The following IGSF21 variants were observed in gnomAD, a reference collection of about 807,000 sequenced individuals.
IGSF21 encodes the protein immunoglobulin superfamily member 21.
In IGSF21, 28 loss-of-function variants were observed where a neutral mutation model predicts 46.8. That is an observed-to-expected ratio of 0.60 (90% CI 0.44 to 0.82). IGSF21 has a LOEUF of 0.82. Ranked by LOEUF, IGSF21 falls within the 40% of genes least tolerant of loss-of-function variation. The pLI is 0.00. For missense variants in IGSF21, 624 were observed against 665.5 expected, an observed-to-expected ratio of 0.94 and a Z score of 0.69; for synonymous variants, 284 against 273.6, an observed-to-expected ratio of 1.04 and a Z score of -0.38.
intron 1 of IGSF21, among the ~76,000 whole-genome samples, chr1:18,203,282 C>T (rs890511076): frequency 2.6e-5 from 4 of 152,128 alleles, no homozygotes; most frequent in Non-Finnish European, 5.9e-5. Context: ...CACCTCTGGC[C>T]CTTGATAACT....
chr1:18,257,130 G>GCAA (rs2124532980), intron 2 of IGSF21, among the ~76,000 whole-genome samples: 1 of 152,288 alleles, frequency 6.6e-6, no homozygotes, highest in Non-Finnish European at 1.5e-5. Flanking sequence ...GGGCAGTCAA[G>GCAA]CAAATTATAC....
At chr1:18,226,713 G>A (rs1187917498) in intron 1 of IGSF21, among the ~76,000 whole-genome samples, 1 of 152,196 alleles carries the variant, frequency 6.6e-6, no homozygotes, top group Non-Finnish European at 1.5e-5. Flanking sequence ...TCCAGGCAGG[G>A]GTCAGGCCCA....
At chr1:18,163,561 G>A (rs116000611) in intron 1 of IGSF21, among the ~76,000 whole-genome samples, 1,529 of 152,322 alleles carry the variant, frequency 0.01, 23 homozygotes, top group African/African-American at 0.032. Flanking sequence ...TACATTTCAG[G>A]TACATCGGTC....
rs149583745 is a variant in IGSF21, at chr1:18,317,794, G to A, written c.306-17098G>A. Among the ~76,000 whole-genome samples, 711 of 152,308 alleles carry A rather than the reference G, an allele frequency of 4.7e-3. 1 individual carries two copies. The highest frequency in any genetic ancestry group is 0.016 in the African/African-American group (650 of 41,580). On this transcript the variant is annotated intron_variant, in intron 3 of 9. Coordinates refer to ENST00000251296, the MANE Select transcript of IGSF21 (RefSeq NM_032880.5). The stretch of plus-strand genomic sequence containing the variant: ...AAGCAAACACACATGTGCTAACTAC[G>A]GGGCAGGCACCGTCCTAAGTGCCTT...
At chr1:18,291,325 T>C (rs2085264189) in intron 2 of IGSF21, among the ~76,000 whole-genome samples, 1 of 152,234 alleles carries the variant, frequency 6.6e-6, no homozygotes, top group Non-Finnish European at 1.5e-5. Flanking sequence ...GCTGTCCCCG[T>C]CTGCATCGCC....
rs143480174 is a variant in IGSF21 at position 18,152,256 on chromosome 1, T to C, written c.70+44058T>C. On this transcript the variant is annotated intron_variant, in intron 1 of 9. Transcript: ENST00000251296. ...GCAGATGTCAAATGAGAAAGGGTGA[T>C]GTCCAAGGACTCCAGAAGGTCATGC... Among the ~76,000 whole-genome samples, 53 of 152,330 alleles carry C rather than the reference T, an allele frequency of 3.5e-4. 1 individual carries two copies. In the East Asian group the frequency reaches 9.8e-3, roughly 28 times the overall value.
At chr1:18,376,226 G>A (rs1196084379) in intron 6 of IGSF21, 84 bp from the exon 7 acceptor site, 1 of 931,014 alleles carries the variant, frequency 1.1e-6, no homozygotes, top group Non-Finnish European at 1.8e-6. Flanking sequence ...CAAGGATGTT[G>A]ATTGCTAGAC....
chr1:18,296,937 A>G (rs1013407018), intron 3 of IGSF21, among the ~76,000 whole-genome samples: 7 of 152,208 alleles, frequency 4.6e-5, no homozygotes, highest in Non-Finnish European at 8.8e-5. Context: ...CGAGGGGCTC[A>G]GTGTATTCCT....
At chr1:18,234,752 C>T (rs180990768) in intron 2 of IGSF21, among the ~76,000 whole-genome samples, 9 of 152,272 alleles carry the variant, frequency 5.9e-5, no homozygotes, top group African/African-American at 2.2e-4. Flanking sequence ...CAATCACCTC[C>T]CACCGAGTCC....
At chr1:18,258,301 GTTCTC>G (rs1314204987) in intron 2 of IGSF21, among the ~76,000 whole-genome samples, 2 of 152,170 alleles carry the variant, frequency 1.3e-5, no homozygotes, top group African/African-American at 4.8e-5. Context: ...GCCTACTTCT[GTTCTC>G]TTCTCTGTCT....
intron 3 of IGSF21, among the ~76,000 whole-genome samples, chr1:18,306,355 G>A (rs1227107700): frequency 6.6e-6 from 1 of 152,144 alleles, no homozygotes; most frequent in Non-Finnish European, 1.5e-5. Flanking sequence ...TCCCTCTGCA[G>A]AGATGCTTTC....
At chr1:18,228,296 T>G (rs2084590189) in intron 2 of IGSF21, among the ~76,000 whole-genome samples, 1 of 152,180 alleles carries the variant, frequency 6.6e-6, no homozygotes, top group African/African-American at 2.4e-5. Flanking sequence ...GAGAACACCC[T>G]GGACCCTGGG....
At chr1:18,238,015 C>A (rs1012840084) in intron 2 of IGSF21, among the ~76,000 whole-genome samples, 1 of 151,940 alleles carries the variant, frequency 6.6e-6, no homozygotes, top group Admixed American at 6.6e-5. Context: ...TGGGGGTGCT[C>A]AAACCCCAGA....
At chr1:18,255,667 T>A (rs1286517252) in intron 2 of IGSF21, among the ~76,000 whole-genome samples, 1 of 152,148 alleles carries the variant, frequency 6.6e-6, no homozygotes, top group Non-Finnish European at 1.5e-5. Flanking sequence ...ATCTTACACC[T>A]GCTCACACAC....
At chr1:18,303,068 G>A (rs567608977) in intron 3 of IGSF21, among the ~76,000 whole-genome samples, 3 of 152,212 alleles carry the variant, frequency 2.0e-5, no homozygotes, top group Admixed American at 6.5e-5. Flanking sequence ...GGTGGGGGGC[G>A]TCTTGCCTGG....
At chr1:18,137,670 CTA>C (rs901630802) in intron 1 of IGSF21, among the ~76,000 whole-genome samples, 16 of 152,238 alleles carry the variant, frequency 1.1e-4, no homozygotes, top group African/African-American at 3.9e-4. Flanking sequence ...GTTCATAACT[CTA>C]ATATATTTGC....
At chr1:18,180,677 CTG>C (rs1484260725) in intron 1 of IGSF21, among the ~76,000 whole-genome samples, 1 of 152,220 alleles carries the variant, frequency 6.6e-6, no homozygotes, top group Non-Finnish European at 1.5e-5. Context: ...TTGTTGGAAA[CTG>C]TGGATGTCAC....
intron 1 of IGSF21, among the ~76,000 whole-genome samples, chr1:18,213,926 C>T (rs1195446287): frequency 6.6e-6 from 1 of 152,126 alleles, no homozygotes. Flanking sequence ...CTGAGCAAGT[C>T]CTGCCCTTCT....
At chr1:18,341,726 A>T (rs967204160) in intron 4 of IGSF21, among the ~76,000 whole-genome samples, 4 of 152,220 alleles carry the variant, frequency 2.6e-5, no homozygotes, top group African/African-American at 9.7e-5. Context: ...CTGCATGTTA[A>T]CATCTCTGCT....
Sources: gnomAD v4.1 joint callset for allele counts (sites outside exome capture counted in the v4.1 genomes callset) on GRCh38, gnomAD v4.1.1 for gene constraint, MANE v1.5 for transcripts, NCBI Gene and HGNC (gene_info 2026-07-23, HGNC 2026-07-21) for gene names.